Variants in KLF6 observed in about 807,000 individuals in gnomAD.
KLF6 encodes KLF transcription factor 6.
For synonymous variants in KLF6, 152 were observed against 147.9 expected (o/e 1.03, Z -0.20); for missense variants, 233 against 359.8 (o/e 0.65, Z 2.85).
chr10:3,776,588 A>AAAT lies in KLF6; in HGVS notation c.*2948_*2950dup, dbSNP rs1165527597. 2 of 519,752 alleles carry AAAT rather than the reference A, an allele frequency of 3.8e-6. No homozygotes were observed. The highest frequency in any genetic ancestry group is 4.1e-5 in the East Asian group (1 of 24,424). The allele number at this position is 519,752 out of a possible 1,614,324, so 32.2% of individuals were successfully genotyped here. A position where few individuals can be genotyped will look rare whatever the true frequency, so the allele number is the denominator to read the frequency against. Reference sequence around the variant, plus strand: ...AATTCTTTTATGTTATTCCAATAAAAAATACATTCATACAGAAATATAACA... The same window carrying AAAT: ...AATTCTTTTATGTTATTCCAATAAAAAATAATACATTCATACAGAAATATAACA... On this transcript the variant is annotated 3_prime_UTR_variant, in exon 4 of 4. Coordinates refer to ENST00000497571, the MANE Select transcript of KLF6 (RefSeq NM_001300.6).
At position 3,778,912 on chromosome 10, in the gene KLF6, C is replaced by CT; in HGVS notation, c.*626dup. ...GCACATTTAATAGCTGCACCAGACA[C>CT]TAAGAGTTCCTCTCACACAGAAAAG... On this transcript the variant is annotated 3_prime_UTR_variant, in exon 4 of 4. Transcript: ENST00000497571. 1.9e-6 allele frequency: 1 copy of CT among 534,818 alleles called. No individual in the cohort carries two copies. Among genetic ancestry groups the CT allele is most frequent in the Non-Finnish European group, 3.6e-6 (1 of 276,660 alleles). The allele number at this position is 534,818 out of a possible 1,614,324, so 33.1% of individuals were successfully genotyped here.
At position 3,776,224 on chromosome 10, in the gene KLF6, T is replaced by C. The variant is rs1832369885; in HGVS notation, c.*3315A>G. On this transcript the variant is annotated 3_prime_UTR_variant, in exon 4 of 4. Coordinates refer to ENST00000497571, the MANE Select transcript of KLF6 (RefSeq NM_001300.6). ...GCAGGGAAACACTCAAGTTTGTCGT[T>C]GTGCAGGTGCCTCTGCAATGCATTC... 5.6e-6 allele frequency: 3 copies of C among 532,332 alleles called. No individual in the cohort carries two copies. Among genetic ancestry groups the C allele is most frequent in the East Asian group, 7.8e-5 (2 of 25,554 alleles). The allele number at this position is 532,332 out of a possible 1,614,324, so 33.0% of individuals were successfully genotyped here. A position where few individuals can be genotyped will look rare whatever the true frequency, so the allele number is the denominator to read the frequency against.
Position 3,779,572 on chromosome 10 carries a change from G to A in KLF6, c.819C>T (p.Asp273=), listed in dbSNP as rs1215444192. The change falls in exon 4 of 4, where the codon GAC becomes GAT. Residue 273 remains aspartate (D), a synonymous_variant. Coordinates refer to ENST00000497571, the MANE Select transcript of KLF6 (RefSeq NM_001300.6). ...GCCTCTTCATGTGCAGGGCCAGGTG[G>A]TCAGACCTGGAAAAACACCTGCAAG... is the stretch of plus-strand genomic sequence containing the variant. ...SHCDRCFSRS[D]HLALHMKRHL is the part of the protein sequence containing the mutation. The A allele has an allele frequency of 6.2e-7, 1 of 1,614,032 alleles. No homozygotes were observed. The highest frequency in any genetic ancestry group is 8.5e-7 in the Non-Finnish European group (1 of 1,179,986).
At position 3,782,014 on chromosome 10, in the gene KLF6, G is replaced by T; in HGVS notation, c.303C>A (p.Thr101=). ...ISPSFCYNLE[T]NSLNSDVSSE... ...TGCTGACATCTGAGTTCAGGCTGTT[G>T]GTCTCTAAGTTGTAACAAAAGCTCG... The change falls in exon 2 of 4, where the codon ACC becomes ACA. Residue 101 remains threonine (T), a synonymous_variant. Coordinates refer to ENST00000497571, the MANE Select transcript of KLF6 (RefSeq NM_001300.6). The surrounding 1 kb of genome is among the most constrained non-coding windows in gnomAD (Gnocchi z 4.3). 2 of 1,614,162 alleles carry T rather than the reference G, an allele frequency of 1.2e-6. No individual in the cohort carries two copies. Among genetic ancestry groups the T allele is most frequent in the Non-Finnish European group, 8.5e-7 (1 of 1,180,028 alleles).
At position 3,778,165 on chromosome 10, in the gene KLF6, A is replaced by G; in HGVS notation, c.*1374T>C. 1.9e-6 allele frequency: 1 copy of G among 521,476 alleles called. No individual in the cohort carries two copies. The highest frequency in any genetic ancestry group is 3.7e-6 in the Non-Finnish European group (1 of 268,176). The allele number at this position is 521,476 out of a possible 1,614,324, so 32.3% of individuals were successfully genotyped here. On this transcript the variant is annotated 3_prime_UTR_variant, in exon 4 of 4. Coordinates refer to ENST00000497571, the MANE Select transcript of KLF6 (RefSeq NM_001300.6). ...TATGTCTTTGTGAAGGAGGACCTTA[A>G]AGAGATTTTTTTTCTGTATTATACG...
In KLF6 at chr10:3,778,703, A is replaced by G. The variant is rs1453005475; in HGVS notation, c.*836T>C. The G allele has an allele frequency of 1.9e-6, 1 of 528,676 alleles. No individual in the cohort carries two copies. Among genetic ancestry groups the G allele is most frequent in the South Asian group, 1.5e-5 (1 of 65,108 alleles). 32.7% of individuals were successfully genotyped at this position (528,676 alleles called of 1,614,324 possible). A position where few individuals can be genotyped will look rare whatever the true frequency, so the allele number is the denominator to read the frequency against. ...CAGATTGGATCTTAGCTGCTCATTA[A>G]CTGGAATCAGTATTGCAGTCCTGAC... On this transcript the variant is annotated 3_prime_UTR_variant, in exon 4 of 4. Coordinates refer to ENST00000497571, the MANE Select transcript of KLF6 (RefSeq NM_001300.6).
At chr10:3,784,844 C>G (rs11252091) in intron 1 of KLF6, 69 bp downstream of exon 1, 1 of 1,486,384 alleles carries the variant, frequency 6.7e-7, no homozygotes, top group African/African-American at 1.4e-5. Context: ...AGCACCGGGT[C>G]TGAACCCCAA....
chr10:3,785,030 A>G lies in KLF6; in HGVS notation c.-16T>C. The G allele has an allele frequency of 6.2e-7, 1 of 1,611,040 alleles. No homozygotes were observed. On this transcript the variant is annotated 5_prime_UTR_variant, in exon 1 of 4. Coordinates refer to ENST00000497571, the MANE Select transcript of KLF6 (RefSeq NM_001300.6). The stretch of plus-strand genomic sequence containing the variant: ...GCACGTCCATGTCGGGCCGGGTTGG[A>G]CGGAGCCCGCGGTCGCGAGGGCGGC...
chr10:3,784,997 C>T lies in KLF6; in HGVS notation c.18G>A (p.Met6Ile). The T allele has an allele frequency of 1.2e-6, 2 of 1,609,968 alleles. No individual in the cohort carries two copies. Among genetic ancestry groups the T allele is most frequent in the Non-Finnish European group, 1.7e-6 (2 of 1,177,498 alleles). Residue 6 changes from methionine (M) to isoleucine (I), a missense_variant, in exon 1 of 4, where the codon ATG becomes ATA. Physicochemically the swap from Met to Ile is conservative, Grantham distance 10. Coordinates refer to ENST00000497571, the MANE Select transcript of KLF6 (RefSeq NM_001300.6). MDVLP[M>I]CSIFQELQIV... ...TCTGGAGCTCCTGGAAGATGCTGCA[C>T]ATGGGGAGCACGTCCATGTCGGGCC...
In KLF6 at chr10:3,779,497, C is replaced by T; in HGVS notation, c.*42G>A. ...CCCTCCTTCCACGGCCGGCTCTCAG[C>T]CTGGAAGCCTTTTAGCCTACAGGAT... On this transcript the variant is annotated 3_prime_UTR_variant, in exon 4 of 4. Coordinates refer to ENST00000497571, the MANE Select transcript of KLF6 (RefSeq NM_001300.6). 1 of 1,557,516 alleles carries T rather than the reference C, an allele frequency of 6.4e-7. No homozygotes were observed. Among genetic ancestry groups the T allele is most frequent in the South Asian group, 1.1e-5 (1 of 89,980 alleles).
At position 3,785,083 on chromosome 10, in the gene KLF6, A is replaced by C; in HGVS notation, c.-69T>G. The C allele has an allele frequency of 6.2e-7, 1 of 1,604,460 alleles. No homozygotes were observed. Among genetic ancestry groups the C allele is most frequent in the East Asian group, 2.2e-5 (1 of 44,640 alleles). Reference sequence around the variant, plus strand: ...GGCGCGCGGTGGGAGCCGGAGCCGAAAGTCTCCCCGGAGCGCAGGTGAAAG... The same window carrying C: ...GGCGCGCGGTGGGAGCCGGAGCCGACAGTCTCCCCGGAGCGCAGGTGAAAG... On this transcript the variant is annotated 5_prime_UTR_variant, in exon 1 of 4. Coordinates refer to ENST00000497571, the MANE Select transcript of KLF6 (RefSeq NM_001300.6).
In KLF6 at chr10:3,779,446, CGG is replaced by C. The variant is rs752164105; in HGVS notation, c.*91_*92del. On this transcript the variant is annotated 3_prime_UTR_variant, in exon 4 of 4. Transcript: ENST00000497571. ...GGAGGCAACTGGGTAGGGTGCAGAA[CGG>C]CATGCTTTGGCTGGAACACGCATCC... 9.0e-7 allele frequency: 1 copy of C among 1,114,596 alleles called. No individual in the cohort carries two copies. The highest frequency in any genetic ancestry group is 2.4e-5 in the East Asian group (1 of 42,212). The allele number at this position is 1,114,596 out of a possible 1,614,324, so 69.0% of individuals were successfully genotyped here.
chr10:3,776,448 G>A lies in KLF6; in HGVS notation c.*3091C>T. On this transcript the variant is annotated 3_prime_UTR_variant, in exon 4 of 4. Coordinates refer to ENST00000497571, the MANE Select transcript of KLF6 (RefSeq NM_001300.6). ...CTGAGGTCGGTGAGTTGTTCTCAGG[G>A]TTGCTCAATGAAGATTTGCCCCCAG... The A allele has an allele frequency of 1.9e-6, 1 of 531,826 alleles. No homozygotes were observed. Among genetic ancestry groups the A allele is most frequent in the South Asian group, 1.5e-5 (1 of 65,142 alleles). 32.9% of individuals were successfully genotyped at this position (531,826 alleles called of 1,614,324 possible).
At position 3,777,262 on chromosome 10, in the gene KLF6, T is replaced by G. The variant is rs1832408753; in HGVS notation, c.*2277A>C. 1 of 515,674 alleles carries G rather than the reference T, an allele frequency of 1.9e-6. No individual in the cohort carries two copies. Among genetic ancestry groups the G allele is most frequent in the Non-Finnish European group, 3.8e-6 (1 of 265,140 alleles). The allele number at this position is 515,674 out of a possible 1,614,324, so 31.9% of individuals were successfully genotyped here. Reference sequence around the variant, plus strand: ...AGAGCCACACCCACAAGCCAGCAGCTGGGTGAAATATCAGCTGTCCACGCC... The same window carrying G: ...AGAGCCACACCCACAAGCCAGCAGCGGGGTGAAATATCAGCTGTCCACGCC... On this transcript the variant is annotated 3_prime_UTR_variant, in exon 4 of 4. Transcript: ENST00000497571.
Position 3,780,533 on chromosome 10 carries a change from A to C in KLF6, c.677-304T>G. On this transcript the variant is annotated intron_variant, in intron 2 of 3. Coordinates refer to ENST00000497571, the MANE Select transcript of KLF6 (RefSeq NM_001300.6). This position sits in a 1 kb window ranked among gnomAD's most constrained non-coding sequence, Gnocchi z 4.6. Reference sequence around the variant, plus strand: ...CAAAATGCTTGCGGGATGAGGTGTCAGCCTGCCGGACCCACAGCCCCGGCA... The same window carrying C: ...CAAAATGCTTGCGGGATGAGGTGTCCGCCTGCCGGACCCACAGCCCCGGCA... 2.2e-6 allele frequency: 1 copy of C among 454,608 alleles called. No homozygotes were observed. The highest frequency in any genetic ancestry group is 4.5e-5 in the East Asian group (1 of 22,124). The allele number at this position is 454,608 out of a possible 1,614,324, so 28.2% of individuals were successfully genotyped here. A position where few individuals can be genotyped will look rare whatever the true frequency, so the allele number is the denominator to read the frequency against.
chr10:3,777,545 T>C lies in KLF6; in HGVS notation c.*1994A>G. ...CCCCATTCCAGACCTGCCCATTTGA[T>C]GGACAGAGCAGACAGCCCGGAACAG... is the stretch of plus-strand genomic sequence containing the variant. On this transcript the variant is annotated 3_prime_UTR_variant, in exon 4 of 4. Coordinates refer to ENST00000497571, the MANE Select transcript of KLF6 (RefSeq NM_001300.6). 2.0e-6 allele frequency: 1 copy of C among 511,476 alleles called. No individual in the cohort carries two copies. Among genetic ancestry groups the C allele is most frequent in the Non-Finnish European group, 3.8e-6 (1 of 261,886 alleles). 31.7% of individuals were successfully genotyped at this position (511,476 alleles called of 1,614,324 possible).
intron 1 of KLF6, among the ~76,000 whole-genome samples, chr10:3,783,996 C>T (rs1832590967): frequency 6.6e-6 from 1 of 152,154 alleles, no homozygotes; most frequent in Admixed American, 6.5e-5. Flanking sequence ...GTTGCAACAC[C>T]CTGCATTTCA....
Position 3,781,738 on chromosome 10 carries a change from G to A in KLF6, c.579C>T (p.Pro193=), listed in dbSNP as rs192960688. 3.3e-5 allele frequency: 53 copies of A among 1,614,174 alleles called. No homozygotes were observed. In the African/African-American group the frequency reaches 3.6e-4, roughly 11 times the overall value. Residue 193 remains proline, a synonymous_variant, in exon 2 of 4, where the codon CCC becomes CCT. Transcript: ENST00000497571. This position sits in a 1 kb window ranked among gnomAD's most constrained non-coding sequence, Gnocchi z 5.8. The part of the protein sequence containing the change: ...PGDKGNGDAS[P]DGRRRVHRCH... Reference sequence around the variant, plus strand: ...ACCGGTGCACCCTCCTCCTGCCGTCGGGGGAGGCATCGCCATTTCCCTTGT... The same window carrying A: ...ACCGGTGCACCCTCCTCCTGCCGTCAGGGGAGGCATCGCCATTTCCCTTGT...
intron 1 of KLF6, 103 bp downstream of exon 1, chr10:3,784,810 G>T (rs1480209399): frequency 1.8e-6 from 2 of 1,102,628 alleles, no homozygotes; most frequent in Non-Finnish European, 2.5e-6. Flanking sequence ...ACAGCGCGGG[G>T]CCCAGGCCCA....
Sources: gnomAD v4.1 joint callset for allele counts (sites outside exome capture counted in the v4.1 genomes callset) on GRCh38, gnomAD v4.1.1 for gene constraint, Gnocchi (gnomAD v3.1) non-coding constraint, MANE v1.5 for transcripts, NCBI Gene and HGNC (gene_info 2026-07-23, HGNC 2026-07-21) for gene names.